Variants in SLC14A2 observed in about 807,000 individuals in gnomAD.
SLC14A2 encodes the protein urea transporter 2.
A neutral mutation model predicts 104.6 loss-of-function variants in SLC14A2; 91 were observed. The observed-to-expected ratio is 0.87, with a 90% CI of 0.73 to 1.04. The LOEUF (loss-of-function observed/expected upper bound fraction) is 1.04, where lower values mean the gene tolerates loss of function less well. Among genes scored for constraint, SLC14A2 ranks in the 50% least tolerant of loss-of-function variants. The pLI, the probability that SLC14A2 is intolerant of heterozygous loss-of-function variation, is 0.00. For missense variants in SLC14A2, 1,189 were observed against 1,156.0 expected, an observed-to-expected ratio of 1.03 and a Z score of -0.41; for synonymous variants, 476 against 466.4, an observed-to-expected ratio of 1.02 and a Z score of -0.27.
At chr18:45,594,992 G>A (rs147593556) in intron 2 of SLC14A2, among the ~76,000 whole-genome samples, 7 of 152,012 alleles carry the variant, frequency 4.6e-5, no homozygotes, top group African/African-American at 9.7e-5. Flanking sequence ...TTCCTTCTCC[G>A]GAATGTAATC....
chr18:45,197,905 G>C, the SLC14A2 span, among the ~76,000 whole-genome samples: 1 of 152,176 alleles, frequency 6.6e-6, no homozygotes, highest in Non-Finnish European at 1.5e-5. Context: ...TAGGCATTGA[G>C]AGTAGAAGGA....
At chr18:45,200,688 C>T in the SLC14A2 span, among the ~76,000 whole-genome samples, 2 of 152,042 alleles carry the variant, frequency 1.3e-5, no homozygotes, top group African/African-American at 4.8e-5. Context: ...TCAATAAACA[C>T]CTGTTGAATG....
In SLC14A2 at chr18:45,628,159, T is replaced by C. The variant is rs540847763; in HGVS notation, c.521+1012T>C. Reference sequence around the variant, plus strand: ...ACTTAAGGTGGTTGTTAAGAAATAGTTTCAGGCTGGGCATGGTGGTTCACA... The same window carrying C: ...ACTTAAGGTGGTTGTTAAGAAATAGCTTCAGGCTGGGCATGGTGGTTCACA... On this transcript the variant is annotated intron_variant, in intron 4 of 19. Coordinates refer to ENST00000255226, the MANE Select transcript of SLC14A2 (RefSeq NM_007163.4). Among the ~76,000 whole-genome samples the C allele has an allele frequency of 2.6e-5, 4 of 152,156 alleles. No individual in the cohort carries two copies. The East Asian group carries it at 7.7e-4, about 29-fold the overall frequency.
intron 10 of SLC14A2, chr18:45,647,811 T>G (rs2045648432): frequency 6.6e-6 from 1 of 152,170 alleles, no homozygotes. Flanking sequence ...ATATCTAGTT[T>G]TATTGGATTA....
chr18:45,434,850 TTGTAA>T (rs1225149139), intron 1 of SLC14A2, among the ~76,000 whole-genome samples: 2 of 152,314 alleles, frequency 1.3e-5, no homozygotes, highest in African/African-American at 2.4e-5. Context: ...TGAATAGCTC[TTGTAA>T]TGTAATGGGT....
chr18:45,187,745 C>T, the SLC14A2 span, among the ~76,000 whole-genome samples: 1 of 148,804 alleles, frequency 6.7e-6, no homozygotes, highest in Non-Finnish European at 1.5e-5. Flanking sequence ...ACTCCCTTCC[C>T]TGATTTCTGC....
chr18:45,621,901 C>G (rs2045176685), intron 1 of SLC14A2, among the ~76,000 whole-genome samples: 1 of 152,136 alleles, frequency 6.6e-6, no homozygotes, highest in Non-Finnish European at 1.5e-5. Flanking sequence ...AGGGAAAGGT[C>G]TTCATGCCAA....
In SLC14A2 at chr18:45,667,112, C is replaced by T. The variant is rs780895559; in HGVS notation, c.1717+18C>T. 8.1e-6 allele frequency: 13 copies of T among 1,604,996 alleles called. No homozygotes were observed. The highest frequency in any genetic ancestry group is 1.1e-5 in the Non-Finnish European group (13 of 1,174,614). On this transcript the variant is annotated intron_variant, in intron 13 of 19. Transcript: ENST00000255226. ...ACTTAAAGGTAAAATTCTATGAGAA[C>T]AACACTGACCCTGACCCTAAAAACT...
Position 45,667,051 on chromosome 18 carries a change from C to T in SLC14A2, c.1674C>T (p.Ser558=). Residue 558 remains serine (S), a synonymous_variant, in exon 13 of 20, where the codon AGC becomes AGT. Coordinates refer to ENST00000255226, the MANE Select transcript of SLC14A2 (RefSeq NM_007163.4). ...GGAAAAGGGTCAGCAAAGCCCTCAG[C>T]TACATCACAGGAGAGATGAAGGAGT... The part of the protein sequence containing the change: ...ASGKRVSKAL[S]YITGEMKECG... 6.2e-7 allele frequency: 1 copy of T among 1,613,848 alleles called. No individual in the cohort carries two copies. Among genetic ancestry groups the T allele is most frequent in the Admixed American group, 1.7e-5 (1 of 60,022 alleles).
chr18:45,528,882 A>AT (rs1568261077), intron 2 of SLC14A2: 1 of 152,198 alleles, frequency 6.6e-6, no homozygotes, highest in East Asian at 1.9e-4. Context: ...CCAATAAACT[A>AT]TGTATGGTAA....
chr18:45,533,134 A>G (rs1336549208), intron 2 of SLC14A2, among the ~76,000 whole-genome samples: 2 of 152,200 alleles, frequency 1.3e-5, no homozygotes, highest in Non-Finnish European at 2.9e-5. Flanking sequence ...ATCAATGTTT[A>G]TCAAGGATAT....
At chr18:45,219,893 A>G (rs2084045504) in intron 1 of SLC14A2, among the ~76,000 whole-genome samples, 6 of 152,200 alleles carry the variant, frequency 3.9e-5, no homozygotes. Context: ...AAAACAATCA[A>G]CAAACAAAAT....
intron 1 of SLC14A2, among the ~76,000 whole-genome samples, chr18:45,400,427 GTTC>G (rs2086083269): frequency 6.6e-6 from 1 of 152,204 alleles, no homozygotes; most frequent in African/African-American, 2.4e-5. Context: ...GTAATGCTGT[GTTC>G]TTCTCATTGG....
chr18:45,367,548 C>T (rs977297075), intron 1 of SLC14A2, among the ~76,000 whole-genome samples: 1 of 152,232 alleles, frequency 6.6e-6, no homozygotes, highest in East Asian at 1.9e-4. Context: ...GTGGACTCAA[C>T]ATTTTAATGG....
chr18:45,303,883 CA>C (rs2084991633), intron 1 of SLC14A2, among the ~76,000 whole-genome samples: 2 of 152,192 alleles, frequency 1.3e-5, no homozygotes, highest in Admixed American at 6.5e-5. Flanking sequence ...TCCCACCAGT[CA>C]ATGCTCCCAC....
rs149531323 is a variant in SLC14A2 at position 45,538,018 on chromosome 18, C to T, written c.-35+54696C>T. ...CCAGACTTAGAAACCTAAAGTAACA[C>T]TCATTTGCTCACACAGTTTCTGAGG... is the stretch of plus-strand genomic sequence containing the variant. On this transcript the variant is annotated intron_variant, in intron 2 of 20. Transcript: ENST00000586448. Among the ~76,000 whole-genome samples the T allele has an allele frequency of 7.8e-4, 119 of 152,312 alleles. 1 individual carries two copies. Among genetic ancestry groups the T allele is most frequent in the African/African-American group, 2.8e-3 (116 of 41,566 alleles).
At chr18:45,183,905 A>AGTTTTTT in the SLC14A2 span, among the ~76,000 whole-genome samples, 1 of 71,930 alleles carries the variant, frequency 1.4e-5, no homozygotes, top group African/African-American at 5.5e-5. Context: ...CTAATTTTCT[A>AGTTTTTT]ATTTTTTTTT....
intron 1 of SLC14A2, among the ~76,000 whole-genome samples, chr18:45,618,269 G>A (rs1377877684): frequency 6.6e-6 from 1 of 152,170 alleles, no homozygotes; most frequent in Non-Finnish European, 1.5e-5. Flanking sequence ...TGCATCAATT[G>A]CAAGGTCTTA....
intron 2 of SLC14A2, among the ~76,000 whole-genome samples, chr18:45,505,204 G>A (rs764803292): frequency 4.6e-5 from 7 of 152,112 alleles, no homozygotes; most frequent in Admixed American, 1.3e-4. Context: ...GGATAGTCCA[G>A]TGTGCATCCA....
Sources: allele counts gnomAD v4.1 joint callset (sites outside exome capture counted in the v4.1 genomes callset), GRCh38; gene constraint gnomAD v4.1.1; transcripts MANE v1.5; gene names NCBI Gene and HGNC (gene_info 2026-07-23, HGNC 2026-07-21).